The following CDK14 variants were observed in gnomAD, a reference collection of about 807,000 sequenced individuals.
CDK14 encodes cyclin-dependent kinase 14.
CDK14 carries 34 observed loss-of-function variants against 60.7 expected under a neutral mutation model. That is an observed-to-expected ratio of 0.56 (90% CI 0.43 to 0.75). The LOEUF (loss-of-function observed/expected upper bound fraction) is 0.75. CDK14 is among the 30% of genes least tolerant of loss of function. CDK14 has a pLI of 0.00. For missense variants in CDK14, 482 were observed against 564.1 expected (o/e 0.85, Z 1.47); for synonymous variants, 197 against 203.7 (o/e 0.97, Z 0.28).
At chr7:90,712,601 A>G (rs189834331) in intron 2 of CDK14, among the ~76,000 whole-genome samples, 71 of 152,224 alleles carry the variant, frequency 4.7e-4, no homozygotes, top group African/African-American at 1.5e-3. Flanking sequence ...AAAATAGCCT[A>G]TGGGAAAGGG....
At chr7:91,091,503 A>ATATATATATG (rs58263158) in intron 12 of CDK14, among the ~76,000 whole-genome samples, 38,608 of 128,254 alleles carry the variant, frequency 0.3, 8,516 homozygotes, top group East Asian at 0.62. Context: ...TATATATTTT[A>ATATATATATG]TATATATATA....
intron 12 of CDK14, among the ~76,000 whole-genome samples, chr7:91,106,918 T>G (rs544122446): frequency 2.6e-5 from 4 of 152,222 alleles, no homozygotes; most frequent in Non-Finnish European, 2.9e-5. Flanking sequence ...GCATACAGCA[T>G]GACTTCTGTG....
At chr7:90,653,538 G>C (rs1800691183) in intron 2 of CDK14, among the ~76,000 whole-genome samples, 1 of 151,606 alleles carries the variant, frequency 6.6e-6, no homozygotes, top group Non-Finnish European at 1.5e-5. Flanking sequence ...TCCTTGTCAT[G>C]AACACTAACC....
chr7:90,931,883 G>C (rs3857794), intron 8 of CDK14, among the ~76,000 whole-genome samples: 126,080 of 152,164 alleles, frequency 0.83, 52,384 homozygotes, highest in East Asian at 0.95. Context: ...TTACTGCTTT[G>C]ACTTATCTTA....
chr7:90,789,720 A>G (rs1438862648), intron 4 of CDK14, among the ~76,000 whole-genome samples: 2 of 152,118 alleles, frequency 1.3e-5, no homozygotes, highest in African/African-American at 2.4e-5. Context: ...TCCACTGAGG[A>G]TTATATGTGT....
At chr7:90,958,995 G>A (rs893710986) in intron 9 of CDK14, among the ~76,000 whole-genome samples, 11 of 152,132 alleles carry the variant, frequency 7.2e-5, no homozygotes, top group Non-Finnish European at 4.4e-5. Flanking sequence ...GTGTAGCTCA[G>A]TATTTGATTT....
At chr7:90,960,413 G>A (rs771219607) in intron 9 of CDK14, among the ~76,000 whole-genome samples, 1 of 152,006 alleles carries the variant, frequency 6.6e-6, no homozygotes, top group African/African-American at 2.4e-5. Context: ...AAAATGTGGG[G>A]CAAATCATTT....
rs979383332 is a variant in CDK14 at position 90,792,161 on chromosome 7, A to G, written c.544+1509A>G. 4.0e-5 allele frequency among the ~76,000 whole-genome samples: 6 copies of G among 150,170 alleles called. 1 individual carries two copies. Among genetic ancestry groups the G allele is most frequent in the Admixed American group, 2.7e-4 (4 of 15,034 alleles). On this transcript the variant is annotated intron_variant, in intron 5 of 14. Coordinates refer to ENST00000380050, the MANE Select transcript of CDK14 (RefSeq NM_001287135.2). ...GTGATCCACTCACCTCGGCCTCCCA[A>G]AGTGCTGGGATTACAGGCGTGAGCC...
chr7:91,038,518 T>G (rs1796995299), intron 10 of CDK14, among the ~76,000 whole-genome samples: 1 of 152,340 alleles, frequency 6.6e-6, no homozygotes, highest in African/African-American at 2.4e-5. Context: ...AATGGTATAT[T>G]ATGGTGATTG....
At chr7:90,890,091 G>A (rs1792066957) in intron 6 of CDK14, among the ~76,000 whole-genome samples, 1 of 152,180 alleles carries the variant, frequency 6.6e-6, no homozygotes, top group African/African-American at 2.4e-5. Flanking sequence ...GACTCCTCTA[G>A]GCCAGGCATG....
chr7:90,949,285 T>TG (rs1794186592), intron 8 of CDK14, among the ~76,000 whole-genome samples: 2 of 152,034 alleles, frequency 1.3e-5, no homozygotes, highest in Admixed American at 6.6e-5. Flanking sequence ...TCACTGCAAC[T>TG]GCACCTCCGG....
chr7:90,696,959 G>A lies in CDK14; in HGVS notation c.124-29608G>A, dbSNP rs139315707. Among the ~76,000 whole-genome samples, 193 of 152,332 alleles carry A rather than the reference G, an allele frequency of 1.3e-3. 1 individual carries two copies. The highest frequency in any genetic ancestry group is 4.4e-3 in the African/African-American group (182 of 41,572). ...GTGATCAATTGTGTCAGATGCTGCT[G>A]AGAGGTTCAGATGAGGTCTGGGAAT... On this transcript the variant is annotated intron_variant, in intron 2 of 14. Coordinates refer to ENST00000380050, the MANE Select transcript of CDK14 (RefSeq NM_001287135.2).
intron 9 of CDK14, among the ~76,000 whole-genome samples, chr7:90,966,764 C>T (rs1794763677): frequency 6.6e-6 from 1 of 152,134 alleles, no homozygotes; most frequent in South Asian, 2.1e-4. Context: ...CTATCTCCAG[C>T]TGTCAGACTC....
rs1235104048 is a variant in CDK14 at position 90,863,230 on chromosome 7, C to G, written c.600C>G (p.Ile200Met). ...HANIVLLHDI[I>M]HTKETLTLVF... The stretch of plus-strand genomic sequence containing the variant: ...ACATAGTGCTACTTCATGACATCAT[C>G]CATACCAAGGAGACGCTGACACTTG... Residue 200 changes from isoleucine (I) to methionine (M), a missense_variant, in exon 6 of 15, where the codon ATC (isoleucine) becomes ATG (methionine). Transcript: ENST00000380050. 2 of 1,609,312 alleles carry G rather than the reference C, an allele frequency of 1.2e-6. No individual in the cohort carries two copies. Among genetic ancestry groups the G allele is most frequent in the Non-Finnish European group, 1.7e-6 (2 of 1,176,444 alleles).
intron 2 of CDK14, among the ~76,000 whole-genome samples, chr7:90,663,857 T>A (rs1800913747): frequency 6.6e-6 from 1 of 152,194 alleles, no homozygotes; most frequent in African/African-American, 2.4e-5. Context: ...TGTAACTAAA[T>A]TTTACACTTT....
At chr7:90,692,028 T>G (rs772184847) in intron 2 of CDK14, among the ~76,000 whole-genome samples, 1 of 152,162 alleles carries the variant, frequency 6.6e-6, no homozygotes, top group Non-Finnish European at 1.5e-5. Flanking sequence ...CATACATAAG[T>G]TGTCCTATTC....
intron 6 of CDK14, among the ~76,000 whole-genome samples, chr7:90,883,463 A>C (rs1791831546): frequency 6.6e-6 from 1 of 152,186 alleles, no homozygotes; most frequent in Non-Finnish European, 1.5e-5. Context: ...ACAAACAAAC[A>C]AAAGCCCCGG....
intron 4 of CDK14, 113 bp from the exon 5 acceptor site, chr7:90,790,456 CACTG>C (rs1201188380): frequency 1.7e-6 from 1 of 584,924 alleles, no homozygotes; most frequent in African/African-American, 1.9e-5. Flanking sequence ...ATAATTGAAT[CACTG>C]ACATTTTTAG....
intron 2 of CDK14, among the ~76,000 whole-genome samples, chr7:90,671,895 T>C (rs7807078): frequency 0.59 from 89,564 of 152,004 alleles, 26,644 homozygotes; most frequent in East Asian, 0.77. Flanking sequence ...AAAAAGACAA[T>C]CGTGTTTAAG....
Sources: allele counts gnomAD v4.1 joint callset (sites outside exome capture counted in the v4.1 genomes callset), GRCh38; gene constraint gnomAD v4.1.1; transcripts MANE v1.5; gene names NCBI Gene and HGNC (gene_info 2026-07-23, HGNC 2026-07-21).